Variants in MYLK3 observed in about 807,000 individuals in gnomAD.
The protein encoded by MYLK3 is myosin light chain kinase 3, also known as MLC kinase.
A neutral mutation model predicts 76.3 loss-of-function variants in MYLK3; 55 were observed. The ratio of observed to expected loss-of-function variants is 0.72; its 90% confidence interval spans 0.58 to 0.90. MYLK3 has a LOEUF of 0.90. Among genes scored for constraint, MYLK3 ranks in the 40% least tolerant of loss-of-function variants. The probability of loss-of-function intolerance (pLI) is 0.00; values close to 1 mark genes in which losing one functional copy is unlikely to be tolerated. For synonymous variants in MYLK3, 416 were observed against 425.4 expected, an observed-to-expected ratio of 0.98 and a Z score of 0.27; for missense variants, 973 against 1,053.6, an observed-to-expected ratio of 0.92 and a Z score of 1.06.
chr16:46,759,194 G>A (rs2143018707), intron 1 of MYLK3, among the ~76,000 whole-genome samples: 2 of 152,324 alleles, frequency 1.3e-5, no homozygotes, highest in Admixed American at 1.3e-4. Context: ...TGCACCCCTG[G>A]GCGAAGACTT....
intron 9 of MYLK3, among the ~76,000 whole-genome samples, chr16:46,715,898 C>T (rs1211637988): frequency 1.3e-5 from 2 of 152,198 alleles, no homozygotes; most frequent in East Asian, 1.9e-4. Context: ...AATATGCTTC[C>T]TTAACCTGCA....
chr16:46,753,530 T>C (rs1160436158), intron 1 of MYLK3, among the ~76,000 whole-genome samples: 2 of 152,156 alleles, frequency 1.3e-5, no homozygotes, highest in Non-Finnish European at 2.9e-5. Context: ...AAGAAAGCCT[T>C]CAAGATGAAA....
At chr16:46,716,412 G>GTA (rs147435885) in intron 9 of MYLK3, among the ~76,000 whole-genome samples, 24 of 148,422 alleles carry the variant, frequency 1.6e-4, no homozygotes, top group African/African-American at 3.7e-4. Flanking sequence ...ATATGTATGT[G>GTA]TATATATATA....
At chr16:46,740,242 A>C (rs1966907321) in intron 1 of MYLK3, 95 bp from the exon 2 acceptor site, 1 of 930,378 alleles carries the variant, frequency 1.1e-6, no homozygotes, top group South Asian at 1.4e-5. Flanking sequence ...GTTTAAGATA[A>C]GGGCATTTAG....
At chr16:46,721,783 T>C (rs1266794772) in intron 8 of MYLK3, among the ~76,000 whole-genome samples, 3 of 152,166 alleles carry the variant, frequency 2.0e-5, no homozygotes, top group Admixed American at 6.5e-5. Context: ...AATTGGCCCA[T>C]GAGCTGCTTG....
At chr16:46,747,215 T>C (rs961702827) in intron 1 of MYLK3, among the ~76,000 whole-genome samples, 6 of 152,248 alleles carry the variant, frequency 3.9e-5, no homozygotes, top group Admixed American at 3.3e-4. Context: ...CTGCCTGCTG[T>C]CCCCCTGGGT....
chr16:46,710,547 G>A (rs2143012486), intron 11 of MYLK3, 90 bp downstream of exon 11: 3 of 1,426,376 alleles, frequency 2.1e-6, no homozygotes, highest in Non-Finnish European at 2.9e-6. Context: ...TCCACAGGAA[G>A]AAGGACCTTC....
Position 46,702,315 on chromosome 16 carries a change from A to AT in MYLK3, c.*5388dup, listed in dbSNP as rs1297752256. 6.6e-6 allele frequency among the ~76,000 whole-genome samples: 1 copy of AT among 152,118 alleles called. No individual in the cohort carries two copies. Among genetic ancestry groups the AT allele is most frequent in the Non-Finnish European group, 1.5e-5 (1 of 68,036 alleles). On this transcript the variant is annotated 3_prime_UTR_variant, in exon 13 of 13. Transcript: ENST00000394809. ...CCGTTCTTCATGGTTTATTTAACTG[A>AT]TTAAAAAGTTTTTTTGTCATGAATG... is the stretch of plus-strand genomic sequence containing the variant.
At chr16:46,717,062 C>A (rs1202021677) in intron 9 of MYLK3, among the ~76,000 whole-genome samples, 4 of 152,080 alleles carry the variant, frequency 2.6e-5, no homozygotes, top group Non-Finnish European at 5.9e-5. Flanking sequence ...TTAAGCAAAC[C>A]CAAAGAGGGG....
intron 1 of MYLK3, among the ~76,000 whole-genome samples, chr16:46,742,237 A>AG (rs1361569229): frequency 1.3e-5 from 2 of 151,510 alleles, no homozygotes; most frequent in African/African-American, 4.9e-5. Context: ...GAAAAAAAAA[A>AG]ATCTAAGTTC....
At chr16:46,730,505 C>T in intron 5 of MYLK3, 88 bp downstream of exon 5, 3 of 1,074,028 alleles carry the variant, frequency 2.8e-6, no homozygotes, top group Admixed American at 1.7e-5. Context: ...AGTCATCCTG[C>T]AGCACCCACC....
rs1323546736 is a variant in MYLK3, at chr16:46,729,015, G to C, written c.1772+9C>G. 1.2e-6 allele frequency: 2 copies of C among 1,610,434 alleles called. No individual in the cohort carries two copies. Among genetic ancestry groups the C allele is most frequent in the Non-Finnish European group, 8.5e-7 (1 of 1,176,652 alleles). On this transcript the variant is annotated intron_variant, in intron 7 of 12. Coordinates refer to ENST00000394809, the MANE Select transcript of MYLK3 (RefSeq NM_182493.3). ...GAGCCGAGGCGGCCGCCCCGCCTCTGATACTCACTACTCCATGACAAGGGT... is the reference window on the plus strand; with the variant it reads ...GAGCCGAGGCGGCCGCCCCGCCTCTCATACTCACTACTCCATGACAAGGGT...
intron 6 of MYLK3, 76 bp from the exon 7 acceptor site, chr16:46,729,209 GAC>G: frequency 9.2e-7 from 1 of 1,083,402 alleles, no homozygotes; most frequent in Non-Finnish European, 1.4e-6. Flanking sequence ...TCCCAAGACA[GAC>G]ACAGAACTCC....
chr16:46,737,601 G>A (rs368187756), intron 3 of MYLK3, 110 bp downstream of exon 3: 47 of 1,109,372 alleles, frequency 4.2e-5, no homozygotes, highest in Admixed American at 1.8e-4. Context: ...CATTCCCCTC[G>A]CAAGAACAGC....
At position 46,730,737 on chromosome 16, in the gene MYLK3, T is replaced by C. The variant is rs377070856; in HGVS notation, c.1463-39A>G. Reference sequence around the variant, plus strand: ...AATAAGGACCTGTGAGCCTCCTCTGTGCAGCCCACACCTCTCGGTCACCTG... The same window carrying C: ...AATAAGGACCTGTGAGCCTCCTCTGCGCAGCCCACACCTCTCGGTCACCTG... On this transcript the variant is annotated intron_variant, in intron 4 of 12. Transcript: ENST00000394809. The C allele has an allele frequency of 2.9e-4, 453 of 1,580,352 alleles. 1 individual carries two copies. The highest frequency in any genetic ancestry group is 3.7e-4 in the Non-Finnish European group (431 of 1,149,580).
chr16:46,752,553 A>G (rs1967139962), upstream of MYLK3, among the ~76,000 whole-genome samples: 1 of 152,114 alleles, frequency 6.6e-6, no homozygotes, highest in Non-Finnish European at 1.5e-5. Context: ...ACTTTTTTGT[A>G]GAGATGGGGT....
chr16:46,717,782 G>A (rs1036984969), intron 9 of MYLK3, among the ~76,000 whole-genome samples: 1 of 152,180 alleles, frequency 6.6e-6, no homozygotes, highest in African/African-American at 2.4e-5. Context: ...GGCTGGTGCT[G>A]AAGCATTTGC....
chr16:46,743,000 T>C (rs1299549795), intron 1 of MYLK3, among the ~76,000 whole-genome samples: 3 of 152,152 alleles, frequency 2.0e-5, no homozygotes, highest in Non-Finnish European at 4.4e-5. Context: ...TCTCCTTCCC[T>C]TATCTTTAGG....
chr16:46,717,025 T>G (rs1278758241), intron 9 of MYLK3, among the ~76,000 whole-genome samples: 1 of 152,196 alleles, frequency 6.6e-6, no homozygotes, highest in African/African-American at 2.4e-5. Context: ...AAGTATTTCC[T>G]TGAGTTATTT....
Sources: allele counts gnomAD v4.1 joint callset (sites outside exome capture counted in the v4.1 genomes callset), GRCh38; gene constraint gnomAD v4.1.1; transcripts MANE v1.5; gene names NCBI Gene and HGNC (gene_info 2026-07-23, HGNC 2026-07-21).